ARFGEF3: variants seen among roughly 807,000 people sequenced by gnomAD.
ARFGEF3 encodes brefeldin A-inhibited guanine nucleotide-exchange protein 3.
A neutral mutation model predicts 221.7 loss-of-function variants in ARFGEF3; 96 were observed. The ratio of observed to expected loss-of-function variants is 0.43; its 90% confidence interval spans 0.37 to 0.51. The LOEUF (loss-of-function observed/expected upper bound fraction) is 0.51, where lower values mean the gene tolerates loss of function less well. Among genes scored for constraint, ARFGEF3 ranks in the 20% least tolerant of loss-of-function variants. ARFGEF3 has a pLI of 0.00. For synonymous variants in ARFGEF3, 1,145 were observed against 1,126.8 expected, an observed-to-expected ratio of 1.02 and a Z score of -0.32; for missense variants, 2,410 against 2,789.9, an observed-to-expected ratio of 0.86 and a Z score of 3.07.
rs1219709743 is a variant in ARFGEF3, at chr6:138,333,837, A to G, written c.5124-133A>G. On this transcript the variant is annotated intron_variant, in intron 32 of 33. Coordinates refer to ENST00000251691, the MANE Select transcript of ARFGEF3 (RefSeq NM_020340.5). ...CAAAAAGTATGCCTTCTTTCATGGAAGACATTTGAGTAGAGGTAGTTTAGT... is the reference window on the plus strand; with the variant it reads ...CAAAAAGTATGCCTTCTTTCATGGAGGACATTTGAGTAGAGGTAGTTTAGT... 7 of 983,820 alleles carry G rather than the reference A, an allele frequency of 7.1e-6. No individual in the cohort carries two copies. In the East Asian group the frequency reaches 1.3e-4, roughly 18 times the overall value. The allele number at this position is 983,820 out of a possible 1,614,324, so 60.9% of individuals were successfully genotyped here.
chr6:138,176,950 C>T, intron 2 of ARFGEF3, among the ~76,000 whole-genome samples: 1 of 150,474 alleles, frequency 6.6e-6, no homozygotes, highest in Non-Finnish European at 1.5e-5. Flanking sequence ...CAATTTTCTT[C>T]TATCTAAGAG....
intron 10 of ARFGEF3, among the ~76,000 whole-genome samples, chr6:138,256,120 A>G (rs1252620543): frequency 1.3e-5 from 2 of 152,170 alleles, no homozygotes; most frequent in East Asian, 3.9e-4. Flanking sequence ...TGCCAACATT[A>G]GATTTCAAAA....
chr6:138,229,686 A>G (rs1440910839), intron 4 of ARFGEF3, 98 bp from the exon 5 acceptor site: 4 of 889,678 alleles, frequency 4.5e-6, no homozygotes, highest in Non-Finnish European at 7.4e-6. Flanking sequence ...TAGCAAAGGA[A>G]TCATAAAAAC....
intron 2 of ARFGEF3, among the ~76,000 whole-genome samples, chr6:138,183,788 C>T (rs754103345): frequency 1.1e-4 from 17 of 152,152 alleles, no homozygotes; most frequent in Non-Finnish European, 2.4e-4. Flanking sequence ...TGTCAGTTTC[C>T]GTAAATGGAG....
chr6:138,248,492 A>C (rs1257779538), intron 8 of ARFGEF3, among the ~76,000 whole-genome samples: 1 of 152,222 alleles, frequency 6.6e-6, no homozygotes, highest in Non-Finnish European at 1.5e-5. Context: ...GGGAAAACTA[A>C]TTAGCTAAAC....
intron 5 of ARFGEF3, among the ~76,000 whole-genome samples, chr6:138,233,921 C>T (rs536679499): frequency 1.3e-5 from 2 of 152,184 alleles, no homozygotes; most frequent in Non-Finnish European, 2.9e-5. Context: ...CCAGTTGAGA[C>T]CACTAGAGTG....
At position 138,336,479 on chromosome 6, in the gene ARFGEF3, T is replaced by C. The variant is rs746862605; in HGVS notation, c.6527T>C (p.Ile2176Thr). 2.5e-6 allele frequency: 4 copies of C among 1,606,358 alleles called. No homozygotes were observed. The highest frequency in any genetic ancestry group is 3.4e-6 in the Non-Finnish European group (4 of 1,176,292). Residue 2176 changes from isoleucine to threonine, a missense_variant, in exon 34 of 34, where the codon ATT becomes ACT. Ile to Thr is a moderately conservative substitution (Grantham distance 89). Transcript: ENST00000251691. ...AGGGTGGGCCGTGTCTATGACATCATTGTGTAGCCGACTCCTGTTCTACTC... is the reference window on the plus strand; with the variant it reads ...AGGGTGGGCCGTGTCTATGACATCACTGTGTAGCCGACTCCTGTTCTACTC... Reference protein sequence around the residue: ...LGRVGRVYDIIV With the variant: ...LGRVGRVYDITV
At chr6:138,292,788 A>G (rs964416280) in intron 19 of ARFGEF3, among the ~76,000 whole-genome samples, 1 of 152,222 alleles carries the variant, frequency 6.6e-6, no homozygotes, top group Non-Finnish European at 1.5e-5. Flanking sequence ...TCATGTCTGT[A>G]GACATAGCTG....
chr6:138,237,431 CCCATCCTGTAGCTT>C (rs1177309522), intron 5 of ARFGEF3, among the ~76,000 whole-genome samples: 1 of 152,152 alleles, frequency 6.6e-6, no homozygotes, highest in Non-Finnish European at 1.5e-5. Context: ...CATTTTCGTG[CCCATCCTGTAGCTT>C]CCAGAAGAAT....
chr6:138,280,238 G>A (rs1779174916), intron 14 of ARFGEF3, 74 bp downstream of exon 14: 1 of 1,457,232 alleles, frequency 6.9e-7, no homozygotes, highest in Non-Finnish European at 9.4e-7. Flanking sequence ...CTCTTTCAGA[G>A]AAGTGTTGGT....
At chr6:138,287,253 C>A (rs902566765) in intron 17 of ARFGEF3, 69 bp downstream of exon 17, 1 of 1,159,460 alleles carries the variant, frequency 8.6e-7, no homozygotes, top group Middle Eastern at 1.9e-4. Context: ...CACAGGCCTA[C>A]ACACGCCAGC....
chr6:138,276,254 T>C (rs1779093407), intron 12 of ARFGEF3, among the ~76,000 whole-genome samples: 1 of 152,196 alleles, frequency 6.6e-6, no homozygotes, highest in South Asian at 2.1e-4. Flanking sequence ...TCAGGAACCC[T>C]GAAGGCCTGG....
At chr6:138,284,881 G>T (rs192572940) in intron 14 of ARFGEF3, among the ~76,000 whole-genome samples, 3 of 152,168 alleles carry the variant, frequency 2.0e-5, no homozygotes, top group Non-Finnish European at 4.4e-5. Context: ...ATAGCCTATT[G>T]CTCCAAGGCT....
chr6:138,336,740 G>T lies in ARFGEF3; in HGVS notation c.*254G>T. ...TAGAAGAATCTATAATCCTTGATAT[G>T]TTTCTAACTCTTGAAGTATATTTCC... On this transcript the variant is annotated 3_prime_UTR_variant, in exon 34 of 34. Coordinates refer to ENST00000251691, the MANE Select transcript of ARFGEF3 (RefSeq NM_020340.5). 1 of 295,216 alleles carries T rather than the reference G, an allele frequency of 3.4e-6. No individual in the cohort carries two copies. 18.3% of individuals were successfully genotyped at this position (295,216 alleles called of 1,614,324 possible).
intron 31 of ARFGEF3, 92 bp from the exon 32 acceptor site, chr6:138,327,929 G>A: frequency 1.0e-6 from 1 of 991,636 alleles, no homozygotes; most frequent in East Asian, 2.7e-5. Context: ...TTATAGATGA[G>A]GCTCAACTTG....
intron 2 of ARFGEF3, among the ~76,000 whole-genome samples, chr6:138,198,909 C>A (rs553374420): frequency 6.6e-6 from 1 of 152,106 alleles, no homozygotes; most frequent in Non-Finnish European, 1.5e-5. Flanking sequence ...TCCGTGTAGA[C>A]GTTATGGCGT....
At chr6:138,266,921 C>G (rs900380983) in intron 12 of ARFGEF3, among the ~76,000 whole-genome samples, 4 of 149,070 alleles carry the variant, frequency 2.7e-5, no homozygotes, top group African/African-American at 9.9e-5. Flanking sequence ...TCAAGTTGTT[C>G]TTTGGAAGCG....
rs968527018 is a variant in ARFGEF3, at chr6:138,162,269, G to A, written c.85+98G>A. ...GGGGCTTTCGCGGAGCGTCGGTCATGGGTGCCGTTCTGGCGATTGCGAGAG... is the reference window on the plus strand; with the variant it reads ...GGGGCTTTCGCGGAGCGTCGGTCATAGGTGCCGTTCTGGCGATTGCGAGAG... On this transcript the variant is annotated intron_variant, in intron 1 of 33. Transcript: ENST00000251691. This position sits in a 1 kb window ranked among gnomAD's most constrained non-coding sequence, Gnocchi z 4.7. 2.5e-6 allele frequency: 2 copies of A among 816,094 alleles called. No homozygotes were observed. Among genetic ancestry groups the A allele is most frequent in the Admixed American group, 3.0e-5 (1 of 33,388 alleles). 50.6% of individuals were successfully genotyped at this position (816,094 alleles called of 1,614,324 possible). A position where few individuals can be genotyped will look rare whatever the true frequency, so the allele number is the denominator to read the frequency against.
chr6:138,329,620 C>T (rs986630559), intron 32 of ARFGEF3, among the ~76,000 whole-genome samples: 9 of 152,020 alleles, frequency 5.9e-5, no homozygotes, highest in East Asian at 1.9e-4. Context: ...GCTGAGATCA[C>T]GCCACTGCAC....
Sources: gnomAD v4.1 joint callset for allele counts (sites outside exome capture counted in the v4.1 genomes callset) on GRCh38, gnomAD v4.1.1 for gene constraint, Gnocchi (gnomAD v3.1) non-coding constraint, MANE v1.5 for transcripts, NCBI Gene and HGNC (gene_info 2026-07-23, HGNC 2026-07-21) for gene names.